Variants in LRRC56 observed in about 807,000 individuals in gnomAD.
The protein encoded by LRRC56 is leucine rich repeat containing 56.
A neutral mutation model predicts 47.8 loss-of-function variants in LRRC56; 41 were observed. The ratio of observed to expected loss-of-function variants is 0.86; its 90% CI spans 0.67 to 1.11. The LOEUF (loss-of-function observed/expected upper bound fraction) is 1.11. LRRC56 is among the 50% of genes most tolerant of loss of function. The probability of loss-of-function intolerance (pLI) is 0.00; values close to 1 mark genes in which losing one functional copy is unlikely to be tolerated. For synonymous variants in LRRC56, 387 were observed against 311.2 expected (o/e 1.24, Z -2.56); for missense variants, 759 against 704.2 (o/e 1.08, Z -0.88).
chr11:523,249 G>T, the LRRC56 span, among the ~76,000 whole-genome samples: 1 of 149,724 alleles, frequency 6.7e-6, no homozygotes. Context: ...TGCTGGTCTC[G>T]AACTCCCGAA....
the LRRC56 span, among the ~76,000 whole-genome samples, chr11:527,724 G>A: frequency 7.4e-6 from 1 of 134,856 alleles, no homozygotes; most frequent in South Asian, 2.4e-4. Context: ...TTTTGAGACA[G>A]AGTTTCGCTC....
intron 6 of LRRC56, among the ~76,000 whole-genome samples, chr11:547,331 T>A (rs1025443336): frequency 5.9e-5 from 9 of 151,758 alleles, no homozygotes; most frequent in Admixed American, 4.0e-4. Flanking sequence ...TTTTTTAGCT[T>A]AACAAATAAG....
In LRRC56 at chr11:554,216, T is replaced by A. The variant is rs1480933287; in HGVS notation, c.1569T>A (p.Asp523Glu). 6.5e-7 allele frequency: 1 copy of A among 1,527,554 alleles called. No individual in the cohort carries two copies. Among genetic ancestry groups the A allele is most frequent in the Non-Finnish European group, 8.8e-7 (1 of 1,139,678 alleles). The allele number at this position is 1,527,554 out of a possible 1,614,324, so 94.6% of individuals were successfully genotyped here. A position where few individuals can be genotyped will look rare whatever the true frequency, so the allele number is the denominator to read the frequency against. Residue 523 changes from aspartate to glutamate, a missense_variant, in exon 14 of 14, where the codon GAT (aspartate) becomes GAA (glutamate). Physicochemically the swap from Asp to Glu is conservative, Grantham distance 45 (BLOSUM62 2). Transcript: ENST00000270115. ...GTCCTGGCCCAAAGCCAGCACCAGA[T>A]GCAGCAGCTAGACCTCCCAGGGCAG... The part of the protein sequence containing the change: ...QGCPGPKPAP[D>E]AAARPPRAAE...
At position 550,052 on chromosome 11, in the gene LRRC56, C is replaced by T. The variant is rs1253896583; in HGVS notation, c.424-20C>T. The T allele has an allele frequency of 1.2e-6, 2 of 1,611,204 alleles. No homozygotes were observed. Among genetic ancestry groups the T allele is most frequent in the East Asian group, 2.2e-5 (1 of 44,830 alleles). On this transcript the variant is annotated intron_variant, in intron 7 of 13. Coordinates refer to ENST00000270115, the MANE Select transcript of LRRC56 (RefSeq NM_198075.4). ...GCCTGGGCTGGGCCGGGCCCTGGCT[C>T]AGAGCCCCGCGCTGCCCAGGAACTC... is the stretch of plus-strand genomic sequence containing the variant.
intron 8 of LRRC56, among the ~76,000 whole-genome samples, chr11:550,914 T>C (rs533374911): frequency 6.6e-6 from 1 of 151,480 alleles, no homozygotes; most frequent in Non-Finnish European, 1.5e-5. Context: ...GTCTGGAGAG[T>C]GGGGTCCTAC....
At chr11:526,326 A>G in the LRRC56 span, among the ~76,000 whole-genome samples, 129,123 of 152,210 alleles carry the variant, frequency 0.85, 55,225 homozygotes, top group African/African-American at 0.96. Context: ...GCCACCAGCC[A>G]ACTGCAAACT....
upstream of LRRC56, chr11:533,206 AGGACT>A: frequency 7.5e-7 from 1 of 1,338,378 alleles, no homozygotes. Flanking sequence ...GTGTCGGCCC[AGGACT>A]GCAGGGCGTG....
the LRRC56 span, among the ~76,000 whole-genome samples, chr11:517,492 G>A: frequency 9.3e-5 from 14 of 150,320 alleles, no homozygotes; most frequent in East Asian, 4.0e-4. Context: ...CCCAGCCACC[G>A]CCTTATCTGG....
At chr11:509,011 C>T in the LRRC56 span, among the ~76,000 whole-genome samples, 111 of 152,272 alleles carry the variant, frequency 7.3e-4, 1 homozygote, top group South Asian at 0.022. Context: ...TGCCACTGTA[C>T]TCCAGCCTGG....
At chr11:510,149 T>C in the LRRC56 span, among the ~76,000 whole-genome samples, 1 of 151,984 alleles carries the variant, frequency 6.6e-6, no homozygotes, top group African/African-American at 2.4e-5. Flanking sequence ...ACATTCCCCA[T>C]GAAAGGGAAT....
chr11:548,420 A>G (rs1006255126), intron 6 of LRRC56, among the ~76,000 whole-genome samples: 2 of 152,044 alleles, frequency 1.3e-5, no homozygotes, highest in African/African-American at 2.4e-5. Flanking sequence ...TGCCAGGATT[A>G]CAGGCATGAA....
chr11:513,220 A>G, the LRRC56 span, among the ~76,000 whole-genome samples: 19 of 152,332 alleles, frequency 1.2e-4, no homozygotes, highest in South Asian at 3.3e-3. Flanking sequence ...CAGTGGCGCA[A>G]TCTCGGCTCA....
rs1851746739 is a variant in LRRC56 at position 540,678 on chromosome 11, C to T, written c.-7C>T. ...GCACTGTGCCTCTGTCAGCAGGTGACATGTGAATGGATCTGGGCTGGGACA... is the reference window on the plus strand; with the variant it reads ...GCACTGTGCCTCTGTCAGCAGGTGATATGTGAATGGATCTGGGCTGGGACA... On this transcript the variant is annotated 5_prime_UTR_variant, in exon 4 of 14. Coordinates refer to ENST00000270115, the MANE Select transcript of LRRC56 (RefSeq NM_198075.4). The T allele has an allele frequency of 6.2e-7, 1 of 1,611,858 alleles. No individual in the cohort carries two copies. The highest frequency in any genetic ancestry group is 1.7e-5 in the Admixed American group (1 of 59,798).
intron 12 of LRRC56, 89 bp from the exon 13 acceptor site, chr11:552,480 C>A (rs1852456732): frequency 7.6e-7 from 1 of 1,308,096 alleles, no homozygotes; most frequent in East Asian, 2.5e-5. Context: ...GCTGAGTCAT[C>A]CCCAGTCCCA....
chr11:551,766 G>C lies in LRRC56; in HGVS notation c.912G>C (p.Leu304=), dbSNP rs139805949. ...CCCTGCTGGTCCGTGGGGGCCCCCT[G>C]CCTGAAGGCCTGCTTTCTGAGGACC... The part of the protein sequence containing the change: ...PFSLLVRGGP[L]PEGLLSEDLA... The change falls in exon 10 of 14, where the codon CTG becomes CTC. Residue 304 remains leucine, a synonymous_variant. Transcript: ENST00000270115. The C allele has an allele frequency of 1.9e-5, 31 of 1,610,556 alleles. No individual in the cohort carries two copies. The highest frequency in any genetic ancestry group is 2.7e-5 in the African/African-American group (2 of 74,892).
rs1046856398 is a variant in LRRC56, at chr11:554,906, C to G, written c.*630C>G. 7.6e-6 allele frequency: 8 copies of G among 1,055,580 alleles called. No individual in the cohort carries two copies. The African/African-American group carries it at 1.4e-4, about 18-fold the overall frequency. The allele number at this position is 1,055,580 out of a possible 1,614,324, so 65.4% of individuals were successfully genotyped here. A position where few individuals can be genotyped will look rare whatever the true frequency, so the allele number is the denominator to read the frequency against. ...GGCCACGTTGGTTCAATAAATGATG[C>G]AGCGGACACAGCCCGCCCAGCCCCG... On this transcript the variant is annotated 3_prime_UTR_variant, in exon 14 of 14. Transcript: ENST00000270115.
At chr11:506,958 C>G in the LRRC56 span, 1 of 152,276 alleles carries the variant, frequency 6.6e-6, no homozygotes, top group Non-Finnish European at 1.5e-5. Context: ...GCCCCGGACC[C>G]CTGCCCCGCC....
At chr11:536,088 C>T (rs1338800458), upstream of LRRC56, among the ~76,000 whole-genome samples, 8 of 152,222 alleles carry the variant, frequency 5.3e-5, no homozygotes, top group African/African-American at 1.7e-4. Context: ...AGCGGCCGCG[C>T]ACCCCACCTA....
chr11:549,336 G>C (rs371537932), intron 6 of LRRC56, among the ~76,000 whole-genome samples: 1 of 152,060 alleles, frequency 6.6e-6, no homozygotes, highest in African/African-American at 2.4e-5. Context: ...TGGGGACAGC[G>C]CATGGTGAAG....
Sources: allele counts gnomAD v4.1 joint callset (sites outside exome capture counted in the v4.1 genomes callset), GRCh38; gene constraint gnomAD v4.1.1; transcripts MANE v1.5; gene names NCBI Gene and HGNC (gene_info 2026-07-23, HGNC 2026-07-21).